Variants in SLC60A1 observed in about 807,000 individuals in gnomAD.
SLC60A1 encodes the protein solute carrier family 60 member 1, also known as major facilitator superfamily domain containing 4.
At chr1:205,573,258 A>G in the SLC60A1 span, among the ~76,000 whole-genome samples, 1 of 149,740 alleles carries the variant, frequency 6.7e-6, no homozygotes, top group Non-Finnish European at 1.5e-5. Context: ...TAAAAAAAAA[A>G]CAAAAACAAA....
At chr1:205,596,699 C>T in the SLC60A1 span, among the ~76,000 whole-genome samples, 3 of 151,792 alleles carry the variant, frequency 2.0e-5, no homozygotes, top group African/African-American at 4.8e-5. Flanking sequence ...AAGCCTGAGC[C>T]ATTAGCAGGG....
chr1:205,571,362 T>G, the SLC60A1 span, among the ~76,000 whole-genome samples: 3 of 152,160 alleles, frequency 2.0e-5, no homozygotes, highest in South Asian at 2.1e-4. Flanking sequence ...CAGTGTAAAC[T>G]CTGCAGATCA....
chr1:205,600,272 C>T, the SLC60A1 span: 1 of 843,740 alleles, frequency 1.2e-6, no homozygotes, highest in Non-Finnish European at 1.8e-6. Context: ...GGGGGTCTGA[C>T]TTTTCACTTT....
the SLC60A1 span, chr1:205,592,344 C>G: frequency 6.6e-7 from 1 of 1,514,594 alleles, no homozygotes; most frequent in Non-Finnish European, 8.9e-7. Flanking sequence ...GCCGCCGCCT[C>G]GCTCTGCCCT....
At chr1:205,580,773 G>A in the SLC60A1 span, 32 of 1,613,954 alleles carry the variant, frequency 2.0e-5, no homozygotes, top group African/African-American at 8.0e-5. The surrounding 1 kb of genome is among the most constrained non-coding windows in gnomAD (Gnocchi z 5.0). Flanking sequence ...ACCACCTCCC[G>A]AGGCCACCTG....
chr1:205,584,562 A>AAG, the SLC60A1 span, among the ~76,000 whole-genome samples: 1,957 of 133,496 alleles, frequency 0.015, 40 homozygotes, highest in Admixed American at 0.055. Flanking sequence ...AAAAAAAAAA[A>AAG]AAAAGAAAAT....
chr1:205,583,423 G>A, the SLC60A1 span, among the ~76,000 whole-genome samples: 1 of 152,200 alleles, frequency 6.6e-6, no homozygotes, highest in African/African-American at 2.4e-5. Flanking sequence ...GGAAGGATCA[G>A]GATGCCAGGC....
the SLC60A1 span, chr1:205,597,772 T>G: frequency 1.9e-6 from 3 of 1,613,762 alleles, no homozygotes; most frequent in East Asian, 2.2e-5. Flanking sequence ...ACCTTCTCTT[T>G]TTGTTAGGCT....
At chr1:205,594,510 G>C in the SLC60A1 span, among the ~76,000 whole-genome samples, 3 of 152,098 alleles carry the variant, frequency 2.0e-5, no homozygotes, top group African/African-American at 7.2e-5. Flanking sequence ...ACAAAAATTA[G>C]CTAGGCGTGG....
the SLC60A1 span, chr1:205,600,126 T>C: frequency 2.9e-6 from 1 of 349,982 alleles, no homozygotes; most frequent in Non-Finnish European, 5.2e-6. Context: ...ATTTAAGACC[T>C]ACATTCAATT....
chr1:205,599,339 C>A, the SLC60A1 span: 1 of 1,520,022 alleles, frequency 6.6e-7, no homozygotes, highest in South Asian at 1.2e-5. Flanking sequence ...TGGATCTTAA[C>A]GTGCCAGAAA....
chr1:205,584,978 C>A, the SLC60A1 span: 1 of 1,613,722 alleles, frequency 6.2e-7, no homozygotes. Context: ...CTGTTCATGA[C>A]GGATGGGTTG....
the SLC60A1 span, among the ~76,000 whole-genome samples, chr1:205,587,554 T>C: frequency 2.0e-5 from 3 of 152,062 alleles, no homozygotes; most frequent in African/African-American, 7.3e-5. Context: ...GTAAATATTT[T>C]TGAGTTGAAG....
chr1:205,573,507 C>T, the SLC60A1 span, among the ~76,000 whole-genome samples: 2 of 151,936 alleles, frequency 1.3e-5, no homozygotes, highest in African/African-American at 4.8e-5. Flanking sequence ...CATGCTATAC[C>T]ATGGATGATC....
the SLC60A1 span, chr1:205,598,343 G>GAA: frequency 3.6e-5 from 5 of 139,230 alleles, no homozygotes; most frequent in Admixed American, 7.1e-5. Context: ...TATTCACCAG[G>GAA]AAAAAAAAAA....
chr1:205,585,707 A>G, the SLC60A1 span, among the ~76,000 whole-genome samples: 1 of 143,342 alleles, frequency 7.0e-6, no homozygotes, highest in South Asian at 2.2e-4. The surrounding 1 kb of genome is among the most constrained non-coding windows in gnomAD (Gnocchi z 4.2). Context: ...TTTTTAAGTC[A>G]TGTTCTGCTC....
chr1:205,592,365 GCTC>G, the SLC60A1 span: 13 of 1,088,114 alleles, frequency 1.2e-5, no homozygotes, highest in East Asian at 4.0e-4. Flanking sequence ...GTCTCTCTGT[GCTC>G]TTTTTTTTTT....
chr1:205,572,836 A>C, the SLC60A1 span, among the ~76,000 whole-genome samples: 2 of 152,244 alleles, frequency 1.3e-5, no homozygotes, highest in African/African-American at 2.4e-5. Flanking sequence ...CCCAGGTATG[A>C]TCCCCAAAGA....
At chr1:205,572,831 G>A in the SLC60A1 span, among the ~76,000 whole-genome samples, 2 of 152,168 alleles carry the variant, frequency 1.3e-5, no homozygotes, top group Non-Finnish European at 2.9e-5. Context: ...CAACTCCCAG[G>A]TATGATCCCC....
Sources: gnomAD v4.1 joint callset for allele counts (sites outside exome capture counted in the v4.1 genomes callset) on GRCh38, gnomAD v4.1.1 for gene constraint, Gnocchi (gnomAD v3.1) non-coding constraint, MANE v1.5 for transcripts, NCBI Gene and HGNC (gene_info 2026-07-23, HGNC 2026-07-21) for gene names.